The following HDAC9 variants were observed in gnomAD, a reference collection of about 807,000 sequenced individuals.
The protein encoded by HDAC9 is histone deacetylase 9.
Under a neutral mutation model 139.4 loss-of-function variants are expected in HDAC9, and 41 were observed. The ratio of observed to expected loss-of-function variants is 0.29; its 90% CI spans 0.23 to 0.38. The LOEUF is 0.38. Ranked by LOEUF, HDAC9 falls within the 10% of genes least tolerant of loss-of-function variation. The probability of loss-of-function intolerance (pLI) is 1.00; values close to 1 mark genes in which losing one functional copy is unlikely to be tolerated. For synonymous variants in HDAC9, 517 were observed against 476.2 expected, an observed-to-expected ratio of 1.09 and a Z score of -1.12; for missense variants, 1,147 against 1,297.0, an observed-to-expected ratio of 0.88 and a Z score of 1.78.
chr7:18,544,669 T>G (rs1563217387), intron 2 of HDAC9, among the ~76,000 whole-genome samples: 1 of 152,012 alleles, frequency 6.6e-6, no homozygotes. Context: ...TGAGTATGAG[T>G]GGTTAATGAA....
At chr7:18,100,975 A>G (rs1584041574) in intron 1 of HDAC9, among the ~76,000 whole-genome samples, 1 of 152,228 alleles carries the variant, frequency 6.6e-6, no homozygotes, top group Non-Finnish European at 1.5e-5. Context: ...TGAATTATGA[A>G]GTTTTCCAGT....
At chr7:18,096,883 T>TTGTGTG (rs59590063) in intron 1 of HDAC9, among the ~76,000 whole-genome samples, 2,010 of 145,306 alleles carry the variant, frequency 0.014, 30 homozygotes, top group Middle Eastern at 0.032. Context: ...CTTGTTGGCT[T>TTGTGTG]TGTGTGTGTG....
intron 16 of HDAC9, among the ~76,000 whole-genome samples, chr7:18,776,721 G>A (rs1488891370): frequency 6.6e-6 from 1 of 151,874 alleles, no homozygotes; most frequent in Non-Finnish European, 1.5e-5. Context: ...ATAGACAGGT[G>A]AGGGGTGACC....
intron 1 of HDAC9, among the ~76,000 whole-genome samples, chr7:18,466,707 CA>C (rs1794305729): frequency 6.6e-6 from 1 of 152,138 alleles, no homozygotes; most frequent in Non-Finnish European, 1.5e-5. Context: ...GCATTAATTC[CA>C]TCTGCAATCT....
intron 2 of HDAC9, among the ~76,000 whole-genome samples, chr7:18,259,941 A>G (rs1057093878): frequency 3.3e-5 from 5 of 152,170 alleles, no homozygotes; most frequent in Non-Finnish European, 4.4e-5. Context: ...TTCAGTTGGC[A>G]TTGGCCACAG....
At chr7:18,671,167 A>G (rs1795653922) in intron 12 of HDAC9, among the ~76,000 whole-genome samples, 1 of 152,004 alleles carries the variant, frequency 6.6e-6, no homozygotes, top group Non-Finnish European at 1.5e-5. Context: ...TAAACCTATC[A>G]AGGACACGCT....
intron 12 of HDAC9, among the ~76,000 whole-genome samples, chr7:18,702,051 A>G (rs1402202425): frequency 2.6e-5 from 4 of 152,174 alleles, no homozygotes; most frequent in African/African-American, 4.8e-5. Flanking sequence ...GCAGTTGAAC[A>G]CTTTCTGCTA....
intron 7 of HDAC9, among the ~76,000 whole-genome samples, chr7:18,631,168 A>G (rs1782214499): frequency 2.0e-5 from 3 of 152,192 alleles, no homozygotes; most frequent in South Asian, 2.1e-4. Flanking sequence ...ATTTATAAGG[A>G]TTATGATTTA....
rs1257645741 is a variant in HDAC9, at chr7:18,495,924, C to T, written c.-141C>T. ...TACGTATTCTGACAAAGAAATAACC[C>T]CGAAGCACGTTCCTATTTCCCACCT... is the stretch of plus-strand genomic sequence containing the variant. On this transcript the variant is annotated 5_prime_UTR_variant, in exon 1 of 26. Coordinates refer to ENST00000686413, the MANE Select transcript of HDAC9 (RefSeq NM_178425.4). 4 of 1,227,302 alleles carry T rather than the reference C, an allele frequency of 3.3e-6. No individual in the cohort carries two copies. The highest frequency in any genetic ancestry group is 4.1e-6 in the Non-Finnish European group (4 of 984,908). 76.0% of individuals were successfully genotyped at this position (1,227,302 alleles called of 1,614,324 possible). A position where few individuals can be genotyped will look rare whatever the true frequency, so the allele number is the denominator to read the frequency against.
At chr7:18,304,567 A>G (rs1798788723) in intron 1 of HDAC9, among the ~76,000 whole-genome samples, 1 of 152,188 alleles carries the variant, frequency 6.6e-6, no homozygotes, top group South Asian at 2.1e-4. Context: ...TAGAAAAGTC[A>G]TCAGAGTACA....
At chr7:18,345,074 T>C (rs1585276299) in intron 1 of HDAC9, among the ~76,000 whole-genome samples, 1 of 152,076 alleles carries the variant, frequency 6.6e-6, no homozygotes, top group Non-Finnish European at 1.5e-5. Context: ...CCTTCACTTA[T>C]GTAATGAGTG....
intron 2 of HDAC9, among the ~76,000 whole-genome samples, chr7:18,578,798 A>C (rs1301317652): frequency 6.6e-6 from 1 of 152,214 alleles, no homozygotes; most frequent in Admixed American, 6.5e-5. Flanking sequence ...TTGGATCTTC[A>C]GCCCTCAAGA....
chr7:18,222,267 C>A (rs1264935422), intron 2 of HDAC9, among the ~76,000 whole-genome samples: 1 of 152,050 alleles, frequency 6.6e-6, no homozygotes, highest in Non-Finnish European at 1.5e-5. Flanking sequence ...ACATGCTTTT[C>A]TTTATTCTTT....
chr7:18,599,279 C>T (rs568124007), intron 6 of HDAC9, among the ~76,000 whole-genome samples: 2 of 152,174 alleles, frequency 1.3e-5, no homozygotes, highest in South Asian at 4.1e-4. Flanking sequence ...ACATTTGTTG[C>T]AATTAAGGAA....
chr7:18,777,614 G>C (rs6952297), intron 16 of HDAC9, among the ~76,000 whole-genome samples: 4,138 of 152,064 alleles, frequency 0.027, 178 homozygotes, highest in African/African-American at 0.094. Flanking sequence ...ATCAGTTTCT[G>C]ATCCTCAGCA....
At chr7:18,975,994 T>G (rs1298567498) in intron 25 of HDAC9, 41 bp downstream of exon 25, 1 of 1,582,256 alleles carries the variant, frequency 6.3e-7, no homozygotes, top group Non-Finnish European at 8.6e-7. Flanking sequence ...GTCAGTCATA[T>G]CCAGGCTCAT....
At chr7:18,719,582 C>T (rs1394435338) in intron 12 of HDAC9, among the ~76,000 whole-genome samples, 1 of 152,104 alleles carries the variant, frequency 6.6e-6, no homozygotes, top group East Asian at 1.9e-4. Flanking sequence ...TCAGGTGATC[C>T]ACCCACCTTG....
chr7:18,901,322 C>T (rs960925361), intron 22 of HDAC9, among the ~76,000 whole-genome samples: 7 of 151,158 alleles, frequency 4.6e-5, no homozygotes, highest in South Asian at 4.2e-4. Flanking sequence ...CTTTGACTCT[C>T]TGCTGGGACA....
At chr7:18,266,296 A>G (rs1287536069) in intron 2 of HDAC9, among the ~76,000 whole-genome samples, 1 of 152,206 alleles carries the variant, frequency 6.6e-6, no homozygotes, top group Non-Finnish European at 1.5e-5. Context: ...TTTTATTAGC[A>G]ACAATTACTC....
Sources: allele counts gnomAD v4.1 joint callset (sites outside exome capture counted in the v4.1 genomes callset), GRCh38; gene constraint gnomAD v4.1.1; transcripts MANE v1.5; gene names NCBI Gene and HGNC (gene_info 2026-07-23, HGNC 2026-07-21).